Variants in PARD3 observed in about 807,000 individuals in gnomAD.
PARD3 encodes partitioning defective 3 homolog.
A neutral mutation model predicts 155.4 loss-of-function variants in PARD3; 75 were observed. That is an observed-to-expected ratio of 0.48 (90% CI 0.40 to 0.58). The LOEUF (loss-of-function observed/expected upper bound fraction) is 0.58, where lower values mean the gene tolerates loss of function less well. Ranked by LOEUF, PARD3 falls within the 20% of genes least tolerant of loss-of-function variation. The pLI, the probability that PARD3 is intolerant of heterozygous loss-of-function variation, is 0.00. For synonymous variants in PARD3, 576 were observed against 610.5 expected (o/e 0.94, Z 0.83); for missense variants, 1,642 against 1,721.7 (o/e 0.95, Z 0.82).
At chr10:34,242,716 T>C (rs1329320591) in intron 22 of PARD3, among the ~76,000 whole-genome samples, 1 of 152,090 alleles carries the variant, frequency 6.6e-6, no homozygotes, top group Non-Finnish European at 1.5e-5. Flanking sequence ...GGCAGATCAT[T>C]TGAGGTCAGG....
At chr10:34,218,765 G>A (rs1005575962) in intron 22 of PARD3, among the ~76,000 whole-genome samples, 7 of 150,468 alleles carry the variant, frequency 4.7e-5, no homozygotes, top group African/African-American at 1.7e-4. Context: ...GAGGGCATGG[G>A]AAATGGGGGA....
chr10:34,229,664 G>A (rs1054843242), intron 22 of PARD3, among the ~76,000 whole-genome samples: 6 of 110,388 alleles, frequency 5.4e-5, no homozygotes, highest in African/African-American at 3.9e-4. Flanking sequence ...GAGGGTGCGT[G>A]TGTGTGTGTG....
At chr10:34,232,576 A>G (rs558122047) in intron 22 of PARD3, among the ~76,000 whole-genome samples, 1 of 152,304 alleles carries the variant, frequency 6.6e-6, no homozygotes, top group South Asian at 2.1e-4. Context: ...AAGAAAGTTC[A>G]ACACGAAAAT....
chr10:34,530,374 C>A (rs546483754), intron 2 of PARD3, among the ~76,000 whole-genome samples: 1 of 152,242 alleles, frequency 6.6e-6, no homozygotes, highest in South Asian at 2.1e-4. Context: ...ATAATCAGAA[C>A]CCTTCTGTCA....
At chr10:34,618,806 G>C (rs1406027496) in intron 2 of PARD3, among the ~76,000 whole-genome samples, 1 of 152,056 alleles carries the variant, frequency 6.6e-6, no homozygotes, top group Non-Finnish European at 1.5e-5. Context: ...ACCTGCTGGA[G>C]TCATGCACAC....
At chr10:34,465,332 G>C (rs1457565924) in intron 4 of PARD3, among the ~76,000 whole-genome samples, 1 of 152,138 alleles carries the variant, frequency 6.6e-6, no homozygotes, top group African/African-American at 2.4e-5. Context: ...AAAAAAGGGG[G>C]TTGGGGAACC....
chr10:34,611,136 T>G (rs2090860647), intron 2 of PARD3, among the ~76,000 whole-genome samples: 1 of 152,162 alleles, frequency 6.6e-6, no homozygotes, highest in Non-Finnish European at 1.5e-5. Context: ...TCATGCACCT[T>G]GAGTGAGGCA....
intron 1 of PARD3, among the ~76,000 whole-genome samples, chr10:34,751,851 T>C (rs944381918): frequency 4.0e-5 from 6 of 150,986 alleles, no homozygotes; most frequent in Non-Finnish European, 5.9e-5. Context: ...CAAGTGATCC[T>C]CCAGCCTTGG....
chr10:34,308,336 A>G (rs1266516808), intron 20 of PARD3, among the ~76,000 whole-genome samples: 1 of 152,212 alleles, frequency 6.6e-6, no homozygotes, highest in African/African-American at 2.4e-5. Flanking sequence ...TGAGAGGGCT[A>G]CTGCCTAAGC....
intron 18 of PARD3, among the ~76,000 whole-genome samples, chr10:34,333,081 C>T (rs1835788906): frequency 1.3e-5 from 2 of 152,162 alleles, no homozygotes; most frequent in African/African-American, 4.8e-5. Context: ...CTATATTTGG[C>T]TTCCATACAC....
At chr10:34,174,677 A>T (rs1949956763) in intron 22 of PARD3, among the ~76,000 whole-genome samples, 1 of 151,846 alleles carries the variant, frequency 6.6e-6, no homozygotes, top group Admixed American at 6.5e-5. Context: ...TTTTTCAAAC[A>T]ATATTTCTCA....
intron 11 of PARD3, 86 bp downstream of exon 11, chr10:34,374,788 T>C: frequency 1.6e-6 from 2 of 1,263,352 alleles, no homozygotes; most frequent in South Asian, 2.8e-5. Flanking sequence ...AGAAAATGTC[T>C]CAATAAACAT....
intron 14 of PARD3, among the ~76,000 whole-genome samples, chr10:34,356,107 T>A (rs117209521): frequency 1.2e-4 from 19 of 152,050 alleles, no homozygotes; most frequent in East Asian, 1.2e-3. Context: ...GAGAATGACA[T>A]AGTGCCTGCA....
intron 18 of PARD3, among the ~76,000 whole-genome samples, chr10:34,334,597 G>A (rs530135990): frequency 6.6e-6 from 1 of 151,588 alleles, no homozygotes; most frequent in South Asian, 2.1e-4. Flanking sequence ...TAGGGGACAG[G>A]GAAATAATAA....
chr10:34,297,495 G>A (rs575886491), intron 20 of PARD3, among the ~76,000 whole-genome samples: 1 of 152,306 alleles, frequency 6.6e-6, no homozygotes, highest in African/African-American at 2.4e-5. Flanking sequence ...CACTGAATAT[G>A]TAACAGACAC....
At chr10:34,323,627 C>G (rs1037321287) in intron 19 of PARD3, among the ~76,000 whole-genome samples, 3 of 152,206 alleles carry the variant, frequency 2.0e-5, no homozygotes, top group Non-Finnish European at 4.4e-5. Flanking sequence ...TAGGATCACT[C>G]TTTTAAAGAG....
chr10:34,436,232 C>T (rs1333228823), intron 5 of PARD3, among the ~76,000 whole-genome samples: 3 of 152,208 alleles, frequency 2.0e-5, no homozygotes, highest in African/African-American at 7.2e-5. Context: ...ACTCTCACCC[C>T]AAGACGTCCT....
chr10:34,237,721 C>G (rs1953326312), intron 22 of PARD3, among the ~76,000 whole-genome samples: 1 of 152,104 alleles, frequency 6.6e-6, no homozygotes. Flanking sequence ...TATTATAACC[C>G]CACATTACAT....
chr10:34,537,059 A>G (rs1448725911), intron 2 of PARD3, among the ~76,000 whole-genome samples: 2 of 152,136 alleles, frequency 1.3e-5, no homozygotes, highest in Admixed American at 1.3e-4. Flanking sequence ...CTGTAGTGCA[A>G]TGGGTGTAAC....
Sources: allele counts gnomAD v4.1 joint callset (sites outside exome capture counted in the v4.1 genomes callset), GRCh38; gene constraint gnomAD v4.1.1; transcripts MANE v1.5; gene names NCBI Gene and HGNC (gene_info 2026-07-23, HGNC 2026-07-21).